SH3D19: variants seen among roughly 807,000 people sequenced by gnomAD.
SH3D19 encodes SH3 domain containing 19.
In SH3D19, 58 loss-of-function variants were observed where a neutral mutation model predicts 112.1. The ratio of observed to expected loss-of-function variants is 0.52; its 90% CI spans 0.42 to 0.64. SH3D19 has a LOEUF of 0.64. Among genes scored for constraint, SH3D19 ranks in the 30% least tolerant of loss-of-function variants. SH3D19 has a pLI of 0.00. For missense variants in SH3D19, 1,090 were observed against 1,263.4 expected (o/e 0.86, Z 2.08); for synonymous variants, 391 against 448.5 (o/e 0.87, Z 1.62).
chr4:151,204,855 T>C (rs1300570326), intron 2 of SH3D19, among the ~76,000 whole-genome samples: 1 of 152,088 alleles, frequency 6.6e-6, no homozygotes, highest in Non-Finnish European at 1.5e-5. Flanking sequence ...GAGTCTCACT[T>C]TGTCACCCAA....
intron 1 of SH3D19, among the ~76,000 whole-genome samples, chr4:151,231,256 G>A (rs1368280735): frequency 6.6e-6 from 1 of 152,040 alleles, no homozygotes; most frequent in Non-Finnish European, 1.5e-5. Flanking sequence ...AATAGACCAT[G>A]GATGGGATTT....
chr4:151,152,280 T>TG (rs1405238225), intron 9 of SH3D19, among the ~76,000 whole-genome samples: 1 of 152,188 alleles, frequency 6.6e-6, no homozygotes, highest in Non-Finnish European at 1.5e-5. Context: ...TTCCTCCTCG[T>TG]GGGTATTCCA....
At chr4:151,235,832 T>A (rs1769993902) in intron 1 of SH3D19, among the ~76,000 whole-genome samples, 1 of 152,156 alleles carries the variant, frequency 6.6e-6, no homozygotes, top group Non-Finnish European at 1.5e-5. Flanking sequence ...TCAGACTTGG[T>A]ATCTGGTACC....
Position 151,229,037 on chromosome 4 carries a change from T to A in SH3D19, c.113-2951A>T, listed in dbSNP as rs570547154. ...TGCCACCACGCCTAGCTAATTAAAT[T>A]TTTTTTTTTTTTTTTGTAGAGACAG... On this transcript the variant is annotated intron_variant, in intron 1 of 19. Transcript: ENST00000604030. 4.8e-5 allele frequency among the ~76,000 whole-genome samples: 7 copies of A among 146,160 alleles called. No individual in the cohort carries two copies. The South Asian group carries it at 1.3e-3, about 26-fold the overall frequency.
In SH3D19 at chr4:151,133,934, T is replaced by G. The variant is rs565590259; in HGVS notation, c.2487-698A>C. ...AAAATTGTGTCTCTAGAAGGTGTGC[T>G]TTAATACTAATCCCTAGATTTGAGG... On this transcript the variant is annotated intron_variant, in intron 15 of 19. Transcript: ENST00000604030. 2.6e-5 allele frequency among the ~76,000 whole-genome samples: 4 copies of G among 152,318 alleles called. No homozygotes were observed. The South Asian group carries it at 8.3e-4, about 32-fold the overall frequency.
At chr4:151,134,111 A>T (rs376326144) in intron 15 of SH3D19, among the ~76,000 whole-genome samples, 1 of 152,238 alleles carries the variant, frequency 6.6e-6, no homozygotes, top group Non-Finnish European at 1.5e-5. Flanking sequence ...CTGCTGAGAC[A>T]CAGTATATGC....
intron 1 of SH3D19, among the ~76,000 whole-genome samples, chr4:151,229,209 G>A (rs980019579): frequency 6.6e-6 from 1 of 152,108 alleles, no homozygotes; most frequent in East Asian, 1.9e-4. Flanking sequence ...AATTAATTGG[G>A]GGAGAATATT....
At chr4:151,165,789 C>A (rs1053005069) in intron 7 of SH3D19, 93 bp from the exon 8 acceptor site, 3 of 1,069,050 alleles carry the variant, frequency 2.8e-6, no homozygotes, top group Non-Finnish European at 2.8e-6. Flanking sequence ...ATTTTTCATG[C>A]CCCTGGGGAA....
intron 1 of SH3D19, among the ~76,000 whole-genome samples, chr4:151,240,767 C>T (rs78868404): frequency 0.02 from 3,069 of 152,004 alleles, 74 homozygotes; most frequent in Middle Eastern, 0.034. Context: ...AATTATTATA[C>T]GACTCAGAAA....
At chr4:151,246,989 C>T (rs72967552) in intron 1 of SH3D19, among the ~76,000 whole-genome samples, 3,240 of 152,260 alleles carry the variant, frequency 0.021, 125 homozygotes, top group African/African-American at 0.074. Flanking sequence ...TAGGAAGTGA[C>T]GGTGCTGGGG....
chr4:151,202,992 T>C (rs1360709142), intron 2 of SH3D19, among the ~76,000 whole-genome samples: 1 of 152,146 alleles, frequency 6.6e-6, no homozygotes, highest in Non-Finnish European at 1.5e-5. Flanking sequence ...TGCCTAAAAT[T>C]TCAAGAATGC....
chr4:151,261,017 TTGTC>T (rs1224051505), intron 1 of SH3D19: 1 of 151,894 alleles, frequency 6.6e-6, no homozygotes, highest in Non-Finnish European at 1.5e-5. Flanking sequence ...TGTTTGTTGC[TTGTC>T]TCTCTCTCCC....
At chr4:151,151,732 C>T (rs376922961) in intron 9 of SH3D19, among the ~76,000 whole-genome samples, 1 of 152,286 alleles carries the variant, frequency 6.6e-6, no homozygotes. Flanking sequence ...CTTATAATTA[C>T]ACTGCTGCCT....
intron 1 of SH3D19, among the ~76,000 whole-genome samples, chr4:151,322,889 A>G (rs2126415552): frequency 6.6e-6 from 1 of 152,294 alleles, no homozygotes; most frequent in African/African-American, 2.4e-5. Flanking sequence ...AAACTAAACA[A>G]TATTTTATAG....
intron 1 of SH3D19, among the ~76,000 whole-genome samples, chr4:151,238,360 A>G (rs756676259): frequency 9.8e-5 from 15 of 152,378 alleles, no homozygotes; most frequent in Middle Eastern, 6.8e-3. Context: ...AACAAAAATT[A>G]AAATTATGAT....
intron 2 of SH3D19, among the ~76,000 whole-genome samples, chr4:151,204,791 T>C (rs1050302027): frequency 6.6e-6 from 1 of 152,176 alleles, no homozygotes; most frequent in Non-Finnish European, 1.5e-5. Flanking sequence ...AATATAGCAG[T>C]ACCTTATTTA....
chr4:151,199,215 A>G (rs1561328892), intron 2 of SH3D19, among the ~76,000 whole-genome samples: 1 of 152,172 alleles, frequency 6.6e-6, no homozygotes, highest in Non-Finnish European at 1.5e-5. Context: ...TTAATATATT[A>G]TGTATCTGAG....
chr4:151,147,373 C>T (rs1412166355), intron 11 of SH3D19, among the ~76,000 whole-genome samples: 1 of 151,752 alleles, frequency 6.6e-6, no homozygotes, highest in African/African-American at 2.4e-5. Context: ...TTGGTCCAGC[C>T]AGGCAGCAAG....
At chr4:151,175,736 AG>A in intron 6 of SH3D19, 62 bp from the exon 7 acceptor site, 1 of 1,229,938 alleles carries the variant, frequency 8.1e-7, no homozygotes, top group Non-Finnish European at 1.0e-6. Flanking sequence ...ACAATGTATA[AG>A]GAAAAAAATA....
Sources: gnomAD v4.1 joint callset for allele counts (sites outside exome capture counted in the v4.1 genomes callset) on GRCh38, gnomAD v4.1.1 for gene constraint, MANE v1.5 for transcripts, NCBI Gene and HGNC (gene_info 2026-07-23, HGNC 2026-07-21) for gene names.